LINGO2: variants seen among roughly 807,000 people sequenced by gnomAD.
LINGO2 encodes leucine-rich repeat and immunoglobulin-like domain-containing nogo receptor-interacting protein 2.
Under a neutral mutation model 30.6 loss-of-function variants are expected in LINGO2, and 14 were observed. The ratio of observed to expected loss-of-function variants is 0.46; its 90% CI spans 0.30 to 0.72. LINGO2 has a LOEUF of 0.72. LINGO2 is among the 30% of genes least tolerant of loss of function. The pLI, the probability that LINGO2 is intolerant of heterozygous loss-of-function variation, is 0.07. For synonymous variants in LINGO2, 317 were observed against 288.5 expected (o/e 1.10, Z -1.00); for missense variants, 729 against 751.7 (o/e 0.97, Z 0.35).
chr9:28,696,920 T>C, the LINGO2 span, among the ~76,000 whole-genome samples: 1 of 151,930 alleles, frequency 6.6e-6, no homozygotes, highest in Non-Finnish European at 1.5e-5. Context: ...TCTAAATTTT[T>C]TTTTCCTTGG....
At chr9:28,103,122 T>C (rs1224485626) in intron 4 of LINGO2, among the ~76,000 whole-genome samples, 2 of 152,166 alleles carry the variant, frequency 1.3e-5, no homozygotes, top group Non-Finnish European at 2.9e-5. Context: ...GAAGACTTAT[T>C]AGTACAAATT....
chr9:29,124,013 C>T, the LINGO2 span, among the ~76,000 whole-genome samples: 1 of 152,114 alleles, frequency 6.6e-6, no homozygotes, highest in African/African-American at 2.4e-5. Context: ...TCAAACTATA[C>T]TACAAGGCTA....
chr9:29,188,012 GTCTT>G, the LINGO2 span, among the ~76,000 whole-genome samples: 1 of 111,708 alleles, frequency 9.0e-6, no homozygotes, highest in African/African-American at 3.3e-5. Flanking sequence ...TTTTGACAGA[GTCTT>G]TTTTTTTTTT....
chr9:28,485,670 T>G (rs72713542), intron 1 of LINGO2, among the ~76,000 whole-genome samples: 9,459 of 152,068 alleles, frequency 0.062, 324 homozygotes, highest in Middle Eastern at 0.16. Context: ...GCTCTAGAAA[T>G]TATGTGGCCA....
At chr9:28,948,070 C>A in the LINGO2 span, among the ~76,000 whole-genome samples, 2 of 151,980 alleles carry the variant, frequency 1.3e-5, no homozygotes, top group Admixed American at 1.3e-4. Flanking sequence ...TTTGATGTAC[C>A]CATCCTTGAT....
chr9:28,221,518 T>TA (rs915968081), intron 4 of LINGO2, among the ~76,000 whole-genome samples: 1 of 152,012 alleles, frequency 6.6e-6, no homozygotes, highest in South Asian at 2.1e-4. Context: ...GGATCCGATT[T>TA]AAAAAAAGCA....
At chr9:28,600,467 C>G (rs973920647) in intron 1 of LINGO2, among the ~76,000 whole-genome samples, 1 of 151,880 alleles carries the variant, frequency 6.6e-6, no homozygotes, top group Non-Finnish European at 1.5e-5. Context: ...TTTATAATAC[C>G]AAAAATGTCA....
chr9:28,059,593 C>T (rs1825078794), intron 4 of LINGO2, among the ~76,000 whole-genome samples: 1 of 152,094 alleles, frequency 6.6e-6, no homozygotes, highest in South Asian at 2.1e-4. Flanking sequence ...AACCATCAGG[C>T]TTACTAGAAT....
chr9:28,172,791 A>C (rs73445913), intron 4 of LINGO2, among the ~76,000 whole-genome samples: 161 of 152,112 alleles, frequency 1.1e-3, no homozygotes, highest in African/African-American at 3.8e-3. Context: ...TGTCTTTGAC[A>C]GACTCTCTTG....
the LINGO2 span, among the ~76,000 whole-genome samples, chr9:29,137,124 T>C: frequency 6.6e-6 from 1 of 152,156 alleles, no homozygotes; most frequent in Non-Finnish European, 1.5e-5. Context: ...GTCCTGAGTA[T>C]TGTTTTATAT....
rs577941280 is a variant in LINGO2, at chr9:28,668,056, TATC to T, written c.-365+2141_-365+2143del. Among the ~76,000 whole-genome samples, 1,400 of 152,318 alleles carry T rather than the reference TATC, an allele frequency of 9.2e-3. 21 individuals are homozygous for T. The highest frequency in any genetic ancestry group is 0.032 in the African/African-American group (1,347 of 41,562). Reference sequence around the variant, plus strand: ...CACAATTTTTCTAGCTCTTAACTAATATCATGGATTTTTTTTTAATATTCTGGA... The same window carrying T: ...CACAATTTTTCTAGCTCTTAACTAATATGGATTTTTTTTTAATATTCTGGA... On this transcript the variant is annotated intron_variant, in intron 1 of 5. Transcript: ENST00000379992.
At chr9:28,079,505 GCT>G (rs1825716349) in intron 4 of LINGO2, among the ~76,000 whole-genome samples, 1 of 152,122 alleles carries the variant, frequency 6.6e-6, no homozygotes, top group Non-Finnish European at 1.5e-5. Flanking sequence ...GAAAGCTTAT[GCT>G]CTCTGTCCCC....
intron 2 of LINGO2, among the ~76,000 whole-genome samples, chr9:28,375,479 A>G (rs558650433): frequency 6.6e-6 from 1 of 152,302 alleles, no homozygotes; most frequent in South Asian, 2.1e-4. Flanking sequence ...GTGAATACAT[A>G]ATTCTGCATA....
the LINGO2 span, among the ~76,000 whole-genome samples, chr9:28,992,401 C>A: frequency 6.6e-6 from 1 of 151,518 alleles, no homozygotes; most frequent in East Asian, 2.0e-4. Flanking sequence ...ACTTAGACTC[C>A]CACACAATAA....
intron 4 of LINGO2, among the ~76,000 whole-genome samples, chr9:28,241,267 CAAAAAAAAAA>C (rs1164724626): frequency 1.9e-3 from 161 of 83,582 alleles, no homozygotes; most frequent in Non-Finnish European, 2.6e-3. Context: ...GACCCTGTCT[CAAAAAAAAAA>C]AAAAAAAAAA....
chr9:28,189,573 AAGGAAGGG>A (rs1564029120), intron 4 of LINGO2, among the ~76,000 whole-genome samples: 1 of 17,486 alleles, frequency 5.7e-5, no homozygotes, highest in African/African-American at 1.9e-4. Flanking sequence ...GGAAGGAAGG[AAGGAAGGG>A]AGGGAGGAAG....
chr9:28,548,988 T>A (rs1033560095), intron 1 of LINGO2, among the ~76,000 whole-genome samples: 1 of 152,082 alleles, frequency 6.6e-6, no homozygotes, highest in East Asian at 1.9e-4. Flanking sequence ...TGTATAGATA[T>A]AATACATATT....
At chr9:29,085,069 A>G in the LINGO2 span, among the ~76,000 whole-genome samples, 8 of 152,028 alleles carry the variant, frequency 5.3e-5, no homozygotes, top group African/African-American at 1.9e-4. Context: ...TCCCTTTTCC[A>G]TACAAAATTT....
chr9:28,713,834 T>C, the LINGO2 span, among the ~76,000 whole-genome samples: 1 of 152,038 alleles, frequency 6.6e-6, no homozygotes, highest in Non-Finnish European at 1.5e-5. Context: ...TGTCTTACTA[T>C]GCTGTGACAA....
Sources: gnomAD v4.1 joint callset for allele counts (sites outside exome capture counted in the v4.1 genomes callset) on GRCh38, gnomAD v4.1.1 for gene constraint, MANE v1.5 for transcripts, NCBI Gene and HGNC (gene_info 2026-07-23, HGNC 2026-07-21) for gene names.